Variants in LHFPL3 observed in about 807,000 individuals in gnomAD.
The protein encoded by LHFPL3 is LHFPL tetraspan subfamily member 3.
Under a neutral mutation model 19.3 loss-of-function variants are expected in LHFPL3, and 5 were observed. The observed-to-expected ratio is 0.26, with a 90% confidence interval of 0.14 to 0.54. The LOEUF is 0.54. Among genes scored for constraint, LHFPL3 ranks in the 20% least tolerant of loss-of-function variants. The pLI, the probability that LHFPL3 is intolerant of heterozygous loss-of-function variation, is 0.94. For missense variants in LHFPL3, 249 were observed against 307.4 expected (o/e 0.81, Z 1.42); for synonymous variants, 133 against 126.2 (o/e 1.05, Z -0.36).
chr7:104,886,353 C>T (rs916650598), intron 2 of LHFPL3, among the ~76,000 whole-genome samples: 6 of 152,000 alleles, frequency 3.9e-5, no homozygotes, highest in South Asian at 2.1e-4. Context: ...AGGAGTTTTT[C>T]GTTGGTTTTA....
At chr7:104,657,787 T>C (rs1792146829) in intron 1 of LHFPL3, among the ~76,000 whole-genome samples, 1 of 152,224 alleles carries the variant, frequency 6.6e-6, no homozygotes, top group South Asian at 2.1e-4. Flanking sequence ...TCAGAAGTCA[T>C]AGCTTTAAAC....
chr7:104,720,797 T>A (rs1793476225), intron 1 of LHFPL3, among the ~76,000 whole-genome samples: 1 of 152,220 alleles, frequency 6.6e-6, no homozygotes, highest in Admixed American at 6.5e-5. Context: ...ATGCTCATCA[T>A]CACTGGTCAT....
chr7:104,634,874 A>G (rs1791704628), intron 1 of LHFPL3, among the ~76,000 whole-genome samples: 1 of 152,188 alleles, frequency 6.6e-6, no homozygotes, highest in African/African-American at 2.4e-5. Context: ...AAGGGATCAT[A>G]TGACATTTGA....
intron 2 of LHFPL3, among the ~76,000 whole-genome samples, chr7:104,744,598 C>T (rs1794005012): frequency 2.6e-5 from 4 of 152,204 alleles, no homozygotes; most frequent in Admixed American, 1.3e-4. Context: ...TTCCTCTCCT[C>T]CCACTCTTTT....
At chr7:104,686,596 C>T (rs554436574) in intron 1 of LHFPL3, among the ~76,000 whole-genome samples, 12 of 152,240 alleles carry the variant, frequency 7.9e-5, no homozygotes, top group South Asian at 4.1e-4. Flanking sequence ...CCAATTCTGA[C>T]GCTGTCTACC....
At chr7:104,768,768 A>C (rs1794502484) in intron 2 of LHFPL3, 2 of 152,254 alleles carry the variant, frequency 1.3e-5, no homozygotes, top group Admixed American at 1.3e-4. Flanking sequence ...GGAATGAAAC[A>C]GCCCTCTCTC....
intron 1 of LHFPL3, among the ~76,000 whole-genome samples, chr7:104,331,636 A>C (rs2188490): frequency 0.23 from 34,848 of 152,038 alleles, 5,348 homozygotes; most frequent in East Asian, 0.45. Context: ...TTTAATATAA[A>C]CTATTGTAAG....
At chr7:104,509,572 G>A (rs904887365) in intron 1 of LHFPL3, among the ~76,000 whole-genome samples, 2 of 151,840 alleles carry the variant, frequency 1.3e-5, no homozygotes. Context: ...AAAAATGTTA[G>A]AGTGAAACTT....
chr7:104,411,556 A>G (rs1339813639), intron 1 of LHFPL3, among the ~76,000 whole-genome samples: 2 of 152,174 alleles, frequency 1.3e-5, no homozygotes, highest in Admixed American at 1.3e-4. Flanking sequence ...CCCATCATAG[A>G]TCTGATTAAA....
At chr7:104,824,470 A>T (rs1452196691) in intron 2 of LHFPL3, among the ~76,000 whole-genome samples, 1 of 45,670 alleles carries the variant, frequency 2.2e-5, no homozygotes, top group South Asian at 6.6e-4. Context: ...TTTTATATAT[A>T]ATATATAATT....
chr7:104,893,395 T>A (rs994361140), intron 2 of LHFPL3, among the ~76,000 whole-genome samples: 1 of 151,528 alleles, frequency 6.6e-6, no homozygotes, highest in Non-Finnish European at 1.5e-5. Flanking sequence ...ATATCTGTAG[T>A]CCCAGCTACT....
At chr7:104,535,299 T>C (rs1230077947) in intron 1 of LHFPL3, among the ~76,000 whole-genome samples, 1 of 152,250 alleles carries the variant, frequency 6.6e-6, no homozygotes, top group Non-Finnish European at 1.5e-5. Flanking sequence ...ATGATACTTC[T>C]GTCAGGCAGT....
At chr7:104,557,456 T>A (rs1361042452) in intron 1 of LHFPL3, among the ~76,000 whole-genome samples, 1 of 152,098 alleles carries the variant, frequency 6.6e-6, no homozygotes, top group Non-Finnish European at 1.5e-5. Context: ...TCATTCACTA[T>A]CATGAGAACA....
At chr7:104,532,504 T>C (rs543078089) in intron 1 of LHFPL3, among the ~76,000 whole-genome samples, 27 of 152,224 alleles carry the variant, frequency 1.8e-4, no homozygotes, top group African/African-American at 6.5e-4. Context: ...TTTATCCATA[T>C]TTCTATCCAA....
chr7:104,652,133 A>C (rs1279663035), intron 1 of LHFPL3, among the ~76,000 whole-genome samples: 1 of 151,916 alleles, frequency 6.6e-6, no homozygotes, highest in Non-Finnish European at 1.5e-5. Context: ...TGGGGACAAG[A>C]TGGTGTTTGG....
intron 1 of LHFPL3, among the ~76,000 whole-genome samples, chr7:104,579,648 C>T (rs1790416837): frequency 1.3e-5 from 2 of 152,146 alleles, no homozygotes; most frequent in Admixed American, 1.3e-4. Context: ...TTATTGAGCA[C>T]TTTCTTTGTA....
chr7:104,722,657 T>C (rs1793510236), intron 1 of LHFPL3, among the ~76,000 whole-genome samples: 1 of 152,192 alleles, frequency 6.6e-6, no homozygotes. Context: ...AAAGAAGTGA[T>C]AGGAATGAGC....
chr7:104,764,788 G>A (rs1430394162), intron 2 of LHFPL3, among the ~76,000 whole-genome samples: 1 of 152,158 alleles, frequency 6.6e-6, no homozygotes, highest in Non-Finnish European at 1.5e-5. Context: ...ATATTGAAGT[G>A]CTTTACAATT....
intron 2 of LHFPL3, among the ~76,000 whole-genome samples, chr7:104,765,342 T>C (rs6466018): frequency 0.38 from 57,499 of 152,042 alleles, 11,642 homozygotes; most frequent in East Asian, 0.82. Flanking sequence ...TAAAGATCAG[T>C]GTGGACTGCA....
Sources: gnomAD v4.1 joint callset for allele counts (sites outside exome capture counted in the v4.1 genomes callset) on GRCh38, gnomAD v4.1.1 for gene constraint, MANE v1.5 for transcripts, NCBI Gene and HGNC (gene_info 2026-07-23, HGNC 2026-07-21) for gene names.